The following ROBO1 variants were observed in gnomAD, a reference collection of about 807,000 sequenced individuals.
ROBO1 encodes roundabout homolog 1.
In ROBO1, 149 loss-of-function variants were observed where a neutral mutation model predicts 195.9. That is an observed-to-expected ratio of 0.76 (90% CI 0.67 to 0.87). ROBO1 has a LOEUF of 0.87. Among genes scored for constraint, ROBO1 ranks in the 40% least tolerant of loss-of-function variants. The probability of loss-of-function intolerance (pLI) is 0.00; values close to 1 mark genes in which losing one functional copy is unlikely to be tolerated. For synonymous variants in ROBO1, 816 were observed against 733.2 expected, an observed-to-expected ratio of 1.11 and a Z score of -1.82; for missense variants, 1,933 against 2,068.3, an observed-to-expected ratio of 0.93 and a Z score of 1.27.
intron 4 of ROBO1, among the ~76,000 whole-genome samples, chr3:78,878,702 A>T (rs2036003904): frequency 6.6e-6 from 1 of 151,770 alleles, no homozygotes; most frequent in Non-Finnish European, 1.5e-5. Flanking sequence ...AAAAGTTAAC[A>T]GTATCATACT....
intron 3 of ROBO1, among the ~76,000 whole-genome samples, chr3:79,008,888 CGTGTGTGTGTGTGTGTGT>C (rs375134341): frequency 7.1e-4 from 86 of 121,274 alleles, no homozygotes; most frequent in South Asian, 5.1e-3. Context: ...TGCACCCAGC[CGTGTGTGTGTGTGTGTGT>C]GTGTGTGTGT....
intron 2 of ROBO1, among the ~76,000 whole-genome samples, chr3:79,431,324 G>A (rs978228247): frequency 1.3e-5 from 2 of 152,056 alleles, no homozygotes; most frequent in Non-Finnish European, 2.9e-5. Context: ...ATAACCAAAT[G>A]AGACTTTGGG....
intron 5 of ROBO1, among the ~76,000 whole-genome samples, chr3:78,739,241 G>A (rs919059425): frequency 1.6e-4 from 24 of 152,220 alleles, no homozygotes; most frequent in African/African-American, 5.8e-4. Flanking sequence ...TCTAGGCAGA[G>A]CTTAATATTT....
intron 2 of ROBO1, among the ~76,000 whole-genome samples, chr3:79,228,789 A>T (rs1253838273): frequency 6.6e-6 from 1 of 152,166 alleles, no homozygotes; most frequent in Non-Finnish European, 1.5e-5. Context: ...ACAAGTTTGC[A>T]AAATAACAAA....
chr3:79,220,393 A>G (rs1309904791), intron 2 of ROBO1, among the ~76,000 whole-genome samples: 1 of 152,082 alleles, frequency 6.6e-6, no homozygotes, highest in Admixed American at 6.6e-5. Flanking sequence ...TGTGTTCTCC[A>G]CAATCAGATC....
intron 4 of ROBO1, among the ~76,000 whole-genome samples, chr3:78,868,184 C>T (rs897306118): frequency 6.6e-6 from 1 of 152,076 alleles, no homozygotes; most frequent in African/African-American, 2.4e-5. Context: ...GCACATGGAG[C>T]TGCCAAGATG....
At chr3:78,730,057 T>A (rs1211625681) in intron 5 of ROBO1, among the ~76,000 whole-genome samples, 6 of 152,152 alleles carry the variant, frequency 3.9e-5, no homozygotes. Context: ...GAAATAAAAA[T>A]CTACAAGGGA....
At chr3:79,697,457 T>A (rs1947480872) in intron 1 of ROBO1, among the ~76,000 whole-genome samples, 2 of 151,504 alleles carry the variant, frequency 1.3e-5, no homozygotes, top group African/African-American at 2.4e-5. Context: ...AGAATAAAAT[T>A]ACATTCAATT....
chr3:79,743,878 C>G (rs137944206), intron 1 of ROBO1, among the ~76,000 whole-genome samples: 13 of 152,128 alleles, frequency 8.5e-5, no homozygotes, highest in South Asian at 4.1e-4. Flanking sequence ...CAATAGCACA[C>G]GGAGCCGTCG....
chr3:79,476,925 T>G (rs543230660), intron 2 of ROBO1, among the ~76,000 whole-genome samples: 1 of 152,102 alleles, frequency 6.6e-6, no homozygotes, highest in African/African-American at 2.4e-5. Context: ...TTAAAAATAA[T>G]AATAATAAAT....
chr3:79,497,334 T>A (rs1252745547), intron 2 of ROBO1, among the ~76,000 whole-genome samples: 2 of 152,228 alleles, frequency 1.3e-5, no homozygotes, highest in Non-Finnish European at 2.9e-5. Context: ...TTATTTTATT[T>A]TTCGTTAACC....
chr3:78,997,509 T>C (rs139354231), intron 3 of ROBO1, among the ~76,000 whole-genome samples: 355 of 152,234 alleles, frequency 2.3e-3, no homozygotes, highest in African/African-American at 8.1e-3. Flanking sequence ...GTTTGTTCAA[T>C]CAATGCACTC....
chr3:79,036,536 C>A (rs2078383734), intron 3 of ROBO1, among the ~76,000 whole-genome samples: 1 of 152,040 alleles, frequency 6.6e-6, no homozygotes. Context: ...GATGGTCTTA[C>A]ACAAATTTAT....
At chr3:79,714,316 T>G (rs1015013813) in intron 1 of ROBO1, among the ~76,000 whole-genome samples, 5 of 152,054 alleles carry the variant, frequency 3.3e-5, no homozygotes, top group East Asian at 1.9e-4. Context: ...CTCACACCAG[T>G]TAGAATGGTG....
rs140925154 is a variant in ROBO1 at position 78,758,426 on chromosome 3, A to G, written c.500-11526T>C. ...TGTAGTCCCGCTACTTGGAAGGCTGAGGTGGGAGGATTGCTTGAGCCCAGA... is the reference window on the plus strand; with the variant it reads ...TGTAGTCCCGCTACTTGGAAGGCTGGGGTGGGAGGATTGCTTGAGCCCAGA... On this transcript the variant is annotated intron_variant, in intron 4 of 30. Coordinates refer to ENST00000464233, the MANE Select transcript of ROBO1 (RefSeq NM_002941.4). 1.8e-3 allele frequency among the ~76,000 whole-genome samples: 271 copies of G among 147,384 alleles called. 2 individuals carry two copies. Among genetic ancestry groups the G allele is most frequent in the African/African-American group, 6.5e-3 (258 of 39,924 alleles).
At chr3:78,977,351 T>C (rs913003871) in intron 3 of ROBO1, among the ~76,000 whole-genome samples, 2 of 152,236 alleles carry the variant, frequency 1.3e-5, no homozygotes, top group African/African-American at 4.8e-5. Flanking sequence ...CTCTCCTTTT[T>C]ACTCTCTTCT....
intron 2 of ROBO1, among the ~76,000 whole-genome samples, chr3:79,509,217 C>T (rs953232785): frequency 6.6e-6 from 1 of 151,802 alleles, no homozygotes; most frequent in Non-Finnish European, 1.5e-5. Flanking sequence ...ACAACATATT[C>T]TGGGATTATA....
In ROBO1 at chr3:78,921,864, G is replaced by A. The variant is rs3732665; in HGVS notation, c.499+16737C>T. Among the ~76,000 whole-genome samples the A allele has an allele frequency of 1.4e-3, 216 of 150,940 alleles. 4 individuals carry two copies. In the East Asian group the frequency reaches 0.033, roughly 23 times the overall value. On this transcript the variant is annotated intron_variant, in intron 4 of 30. Transcript: ENST00000464233. The stretch of plus-strand genomic sequence containing the variant: ...TGCAGTGGCACGATCTCAGTTCACT[G>A]CAACCTCCGCCTCTCGGGTTCAAGC...
intron 3 of ROBO1, among the ~76,000 whole-genome samples, chr3:78,981,812 C>T (rs1246269578): frequency 6.6e-6 from 1 of 151,244 alleles, no homozygotes; most frequent in African/African-American, 2.5e-5. Context: ...CACACACACA[C>T]ACACACACAC....
Sources: allele counts gnomAD v4.1 joint callset (sites outside exome capture counted in the v4.1 genomes callset), GRCh38; gene constraint gnomAD v4.1.1; transcripts MANE v1.5; gene names NCBI Gene and HGNC (gene_info 2026-07-23, HGNC 2026-07-21).